The following RRP1B variants were observed in gnomAD, a reference collection of about 807,000 sequenced individuals.
RRP1B encodes ribosomal RNA processing 1B.
A neutral mutation model predicts 80.2 loss-of-function variants in RRP1B; 56 were observed. The observed-to-expected ratio is 0.70, with a 90% CI of 0.56 to 0.87. RRP1B has a LOEUF of 0.87. Ranked by LOEUF, RRP1B falls within the 40% of genes least tolerant of loss-of-function variation. The pLI is 0.00. For synonymous variants in RRP1B, 351 were observed against 357.6 expected, an observed-to-expected ratio of 0.98 and a Z score of 0.21; for missense variants, 807 against 939.8, an observed-to-expected ratio of 0.86 and a Z score of 1.85.
At chr21:43,675,218 G>C in intron 6 of RRP1B, 55 bp downstream of exon 6, 1 of 1,581,432 alleles carries the variant, frequency 6.3e-7, no homozygotes, top group Non-Finnish European at 8.6e-7. Context: ...AGTGTTCGCA[G>C]TAGTCGCCAG....
chr21:43,679,767 A>G (rs2083036191), intron 8 of RRP1B, among the ~76,000 whole-genome samples: 2 of 152,190 alleles, frequency 1.3e-5, no homozygotes, highest in African/African-American at 4.8e-5. Flanking sequence ...ATCCGTGAGC[A>G]TGGGATGTGC....
chr21:43,663,120 G>A (rs1000904354), intron 1 of RRP1B, among the ~76,000 whole-genome samples: 4 of 152,204 alleles, frequency 2.6e-5, no homozygotes, highest in African/African-American at 9.7e-5. Flanking sequence ...ACACTGGGGT[G>A]TGTTCAAGTT....
chr21:43,670,959 G>A (rs946463108), intron 2 of RRP1B, among the ~76,000 whole-genome samples: 3 of 152,190 alleles, frequency 2.0e-5, no homozygotes, highest in East Asian at 1.9e-4. Context: ...TTGAGTAGGA[G>A]CAGGGCAAAA....
rs200101200 is a variant in RRP1B, at chr21:43,665,932, G to A, written c.131-3952G>A. On this transcript the variant is annotated intron_variant, in intron 1 of 15. Transcript: ENST00000340648. ...CTAAGACAGTGATGCAACTGGAAGT[G>A]CAGGAGCATTAACCAGCTTAAACCC... 2.6e-5 allele frequency among the ~76,000 whole-genome samples: 4 copies of A among 152,344 alleles called. No homozygotes were observed. The East Asian group carries it at 7.7e-4, about 29-fold the overall frequency.
At chr21:43,672,634 A>G (rs74894323) in intron 3 of RRP1B, among the ~76,000 whole-genome samples, 4,855 of 152,236 alleles carry the variant, frequency 0.032, 274 homozygotes, top group African/African-American at 0.11. Flanking sequence ...GAGCCTGGAG[A>G]GCCAGATGCA....
At chr21:43,664,794 G>A (rs2082971939) in intron 1 of RRP1B, among the ~76,000 whole-genome samples, 1 of 152,234 alleles carries the variant, frequency 6.6e-6, no homozygotes, top group Non-Finnish European at 1.5e-5. Context: ...ACAAAGCAAA[G>A]GCAGGTCATC....
rs1220336954 is a variant in RRP1B at position 43,685,795 on chromosome 21, G to A, written c.1009+6G>A. The A allele has an allele frequency of 6.3e-6, 10 of 1,587,062 alleles. No homozygotes were observed. The highest frequency in any genetic ancestry group is 7.7e-6 in the Non-Finnish European group (9 of 1,166,366). On this transcript the variant is annotated splice_donor_region_variant and intron_variant, in intron 11 of 15. Coordinates refer to ENST00000340648, the MANE Select transcript of RRP1B (RefSeq NM_015056.3). ...ATTCCAAGACCTTTCTGAAGGTGAG[G>A]CGCGCCAAGAATCATCATTCATGGT...
intron 9 of RRP1B, among the ~76,000 whole-genome samples, chr21:43,684,067 C>G (rs1472440856): frequency 6.8e-6 from 1 of 146,774 alleles, no homozygotes; most frequent in African/African-American, 2.6e-5. Context: ...CAGCTTTTCC[C>G]AAGAATAATT....
rs370045619 is a variant in RRP1B, at chr21:43,676,331, G to A, written c.609G>A (p.Thr203=). ...IDPFCKIAAK[T]KDHTLVQTIA... Reference sequence around the variant, plus strand: ...CATTCTGCAAAATTGCTGCGAAGACGAAGGAGTAAGTGATTCCCCTGTTCG... The same window carrying A: ...CATTCTGCAAAATTGCTGCGAAGACAAAGGAGTAAGTGATTCCCCTGTTCG... Residue 203 remains threonine (T), a synonymous_variant, in exon 7 of 16, where the codon ACG becomes ACA. Coordinates refer to ENST00000340648, the MANE Select transcript of RRP1B (RefSeq NM_015056.3). The A allele has an allele frequency of 3.5e-5, 56 of 1,609,216 alleles. No individual in the cohort carries two copies. The highest frequency in any genetic ancestry group is 4.2e-5 in the Non-Finnish European group (49 of 1,175,982).
Position 43,687,773 on chromosome 21 carries a change from C to T in RRP1B, c.1399C>T (p.Pro467Ser), listed in dbSNP as rs780899285. ...TGGCTCCGAGCATCCTCCAGCCGTC[C>T]CCATGCACAATAAAAGGAAACGGCC... The part of the protein sequence containing the change: ...ESGSEHPPAV[P>S]MHNKRKRPRK... The change falls in exon 13 of 16, where the codon CCC becomes TCC. Residue 467 changes from proline to serine, a missense_variant. Coordinates refer to ENST00000340648, the MANE Select transcript of RRP1B (RefSeq NM_015056.3). 1.2e-6 allele frequency: 2 copies of T among 1,613,296 alleles called. No individual in the cohort carries two copies. Among genetic ancestry groups the T allele is most frequent in the African/African-American group, 1.3e-5 (1 of 75,066 alleles).
chr21:43,674,723 G>A (rs1393070565), intron 5 of RRP1B, 26 bp downstream of exon 5: 1 of 1,580,466 alleles, frequency 6.3e-7, no homozygotes, highest in Admixed American at 1.9e-5. Context: ...GAGTTAGCAT[G>A]TGGTAGCCTT....
At chr21:43,662,940 A>G (rs1222597518) in intron 1 of RRP1B, among the ~76,000 whole-genome samples, 1 of 152,244 alleles carries the variant, frequency 6.6e-6, no homozygotes, top group African/African-American at 2.4e-5. Context: ...TGACAATTTC[A>G]TTTGTATCAT....
Position 43,693,449 on chromosome 21 carries a change from G to A in RRP1B, c.*66G>A. 7.2e-7 allele frequency: 1 copy of A among 1,380,428 alleles called. No homozygotes were observed. The highest frequency in any genetic ancestry group is 1.5e-5 in the African/African-American group (1 of 67,734). 85.5% of individuals were successfully genotyped at this position (1,380,428 alleles called of 1,614,324 possible). A position where few individuals can be genotyped will look rare whatever the true frequency, so the allele number is the denominator to read the frequency against. ...AATGCGCTATAAATTATACCTTTAA[G>A]AATGTGGGGCCTTTTTTATGATTTT... On this transcript the variant is annotated 3_prime_UTR_variant, in exon 16 of 16. Coordinates refer to ENST00000340648, the MANE Select transcript of RRP1B (RefSeq NM_015056.3). The surrounding 1 kb of genome is among the most constrained non-coding windows in gnomAD (Gnocchi z 4.1).
At chr21:43,663,689 C>G (rs1005387664) in intron 1 of RRP1B, among the ~76,000 whole-genome samples, 1 of 152,124 alleles carries the variant, frequency 6.6e-6, no homozygotes, top group African/African-American at 2.4e-5. Context: ...TCCCAAGTAG[C>G]TGGGACTACA....
chr21:43,681,659 A>C (rs2083044215), intron 8 of RRP1B, among the ~76,000 whole-genome samples: 1 of 152,218 alleles, frequency 6.6e-6, no homozygotes, highest in Non-Finnish European at 1.5e-5. Flanking sequence ...AAAAGAAAGA[A>C]AAAATACTCT....
chr21:43,659,755 C>T lies in RRP1B; in HGVS notation c.91C>T (p.Leu31=). 1 of 1,524,816 alleles carries T rather than the reference C, an allele frequency of 6.6e-7. No individual in the cohort carries two copies. Among genetic ancestry groups the T allele is most frequent in the East Asian group, 2.6e-5 (1 of 38,060 alleles). The allele number at this position is 1,524,816 out of a possible 1,614,324, so 94.5% of individuals were successfully genotyped here. ...CATCCGGGACCGAGCGGTGAAGAAG[C>T]TGCGCCAGTACATCAGCGTGAAGAC... ...KGIRDRAVKK[L]RQYISVKTQR... is the part of the protein sequence containing the mutation. Residue 31 remains leucine, a synonymous_variant, in exon 1 of 16, where the codon CTG becomes TTG. Transcript: ENST00000340648. The surrounding 1 kb of genome is among the most constrained non-coding windows in gnomAD (Gnocchi z 4.2).
rs2147180595 is a variant in RRP1B, at chr21:43,694,186, C to T, written c.*803C>T. The T allele has an allele frequency of 6.6e-6, 1 of 150,946 alleles. No homozygotes were observed. Among genetic ancestry groups the T allele is most frequent in the East Asian group, 2.0e-4 (1 of 5,044 alleles). The allele number at this position is 150,946 out of a possible 1,614,324, so 9.4% of individuals were successfully genotyped here. A position where few individuals can be genotyped will look rare whatever the true frequency, so the allele number is the denominator to read the frequency against. On this transcript the variant is annotated 3_prime_UTR_variant, in exon 16 of 16. Coordinates refer to ENST00000340648, the MANE Select transcript of RRP1B (RefSeq NM_015056.3). ...ACACTCATTCCTCCAAGCCCTTGCGCTCCCGTTTCTCTCTCTCTCCGTCCA... is the reference window on the plus strand; with the variant it reads ...ACACTCATTCCTCCAAGCCCTTGCGTTCCCGTTTCTCTCTCTCTCCGTCCA...
chr21:43,676,304 T>C lies in RRP1B; in HGVS notation c.582T>C (p.Asp194=), dbSNP rs558516073. Residue 194 remains aspartate (D), a synonymous_variant, in exon 7 of 16, where the codon GAT becomes GAC. Transcript: ENST00000340648. ...LLADQNLKFI[D]PFCKIAAKTK... ...CAGATCAGAATCTCAAGTTTATCGATCCATTCTGCAAAATTGCTGCGAAGA... is the reference window on the plus strand; with the variant it reads ...CAGATCAGAATCTCAAGTTTATCGACCCATTCTGCAAAATTGCTGCGAAGA... The C allele has an allele frequency of 6.2e-7, 1 of 1,613,296 alleles. No individual in the cohort carries two copies. Among genetic ancestry groups the C allele is most frequent in the East Asian group, 2.2e-5 (1 of 44,868 alleles).
intron 2 of RRP1B, among the ~76,000 whole-genome samples, chr21:43,670,419 G>A (rs781587168): frequency 1.3e-5 from 2 of 152,236 alleles, no homozygotes; most frequent in African/African-American, 2.4e-5. Context: ...AGCCGAGTGC[G>A]CCTGCGCAGT....
Sources: allele counts gnomAD v4.1 joint callset (sites outside exome capture counted in the v4.1 genomes callset), GRCh38; gene constraint gnomAD v4.1.1; non-coding constraint Gnocchi (gnomAD v3.1); transcripts MANE v1.5; gene names NCBI Gene and HGNC (gene_info 2026-07-23, HGNC 2026-07-21).